The following CPEB3 variants were observed in gnomAD, a reference collection of about 807,000 sequenced individuals.
The protein encoded by CPEB3 is cytoplasmic polyadenylation element binding protein 3.
Under a neutral mutation model 67.2 loss-of-function variants are expected in CPEB3, and 20 were observed. The ratio of observed to expected loss-of-function variants is 0.30; its 90% CI spans 0.21 to 0.43. CPEB3 has a LOEUF of 0.43. Among genes scored for constraint, CPEB3 ranks in the 20% least tolerant of loss-of-function variants. The pLI is 1.00. For missense variants in CPEB3, 746 were observed against 968.6 expected, an observed-to-expected ratio of 0.77 and a Z score of 3.05; for synonymous variants, 376 against 393.1, an observed-to-expected ratio of 0.96 and a Z score of 0.51.
intron 4 of CPEB3, among the ~76,000 whole-genome samples, chr10:92,150,448 T>C (rs935621186): frequency 1.3e-5 from 2 of 152,184 alleles, no homozygotes; most frequent in Admixed American, 6.5e-5. Flanking sequence ...TTCAGGACTC[T>C]GCAATTGTGA....
chr10:92,175,568 T>C (rs891238059), intron 4 of CPEB3, among the ~76,000 whole-genome samples: 1 of 152,182 alleles, frequency 6.6e-6, no homozygotes, highest in African/African-American at 2.4e-5. Context: ...AACAGCAGCG[T>C]GTGACACTTT....
Position 92,240,300 on chromosome 10 carries a change from C to T in CPEB3, c.51G>A (p.Gln17=), listed in dbSNP as rs949021757. Residue 17 remains glutamine (Q), a synonymous_variant, in exon 2 of 10, where the codon CAG becomes CAA. Coordinates refer to ENST00000265997, the MANE Select transcript of CPEB3 (RefSeq NM_014912.5). ...GCTGCTGCTGCTGCCGCTGCTGCTG[C>T]TGGGGCTGGGGCTGGGTTTTGCTTT... ...MDKSKTQPQP[Q]QQQRQQQQPQ... 8 of 1,508,770 alleles carry T rather than the reference C, an allele frequency of 5.3e-6. No homozygotes were observed. The African/African-American group carries it at 9.8e-5, about 19-fold the overall frequency. The allele number at this position is 1,508,770 out of a possible 1,614,324, so 93.5% of individuals were successfully genotyped here.
intron 7 of CPEB3, among the ~76,000 whole-genome samples, chr10:92,096,752 T>G (rs1293826986): frequency 6.6e-6 from 1 of 152,088 alleles, no homozygotes; most frequent in Non-Finnish European, 1.5e-5. Flanking sequence ...GACACCAGCT[T>G]GGCCAACACG....
intron 4 of CPEB3, among the ~76,000 whole-genome samples, chr10:92,172,334 G>C (rs1383763482): frequency 6.6e-6 from 1 of 152,096 alleles, no homozygotes; most frequent in Non-Finnish European, 1.5e-5. Context: ...CATATAACAA[G>C]AGTGTATGTG....
At chr10:92,173,939 G>T (rs1440337333) in intron 4 of CPEB3, among the ~76,000 whole-genome samples, 1 of 152,108 alleles carries the variant, frequency 6.6e-6, no homozygotes. Context: ...AACCTGTTCA[G>T]ACAGAAAGAG....
Position 92,219,568 on chromosome 10 carries a change from A to G in CPEB3, c.1005+19778T>C, listed in dbSNP as rs145652612. ...TATAATTTCCTAAAAGCTGTTTTCTACTTTTCACATATAACGAATCTCAGC... is the reference window on the plus strand; with the variant it reads ...TATAATTTCCTAAAAGCTGTTTTCTGCTTTTCACATATAACGAATCTCAGC... On this transcript the variant is annotated intron_variant, in intron 2 of 9. Transcript: ENST00000265997. Among the ~76,000 whole-genome samples the G allele has an allele frequency of 1.8e-3, 268 of 152,312 alleles. 2 individuals carry two copies. In the East Asian group the frequency reaches 0.023, roughly 13 times the overall value.
At chr10:92,119,097 T>C in intron 6 of CPEB3, 1 of 1,584,664 alleles carries the variant, frequency 6.3e-7, no homozygotes, top group Non-Finnish European at 8.7e-7. Context: ...ATTCCCCAGC[T>C]ATACCAGTCT....
At chr10:92,256,444 C>T (rs541644368) in intron 1 of CPEB3, among the ~76,000 whole-genome samples, 4 of 149,248 alleles carry the variant, frequency 2.7e-5, no homozygotes, top group South Asian at 2.1e-4. Context: ...AGCTAGAGTG[C>T]GGTGGCGCAT....
intron 2 of CPEB3, among the ~76,000 whole-genome samples, chr10:92,225,494 C>T (rs1197773768): frequency 6.6e-6 from 1 of 152,092 alleles, no homozygotes; most frequent in Non-Finnish European, 1.5e-5. Flanking sequence ...CAATGCAAGA[C>T]TCCATCTCAA....
intron 3 of CPEB3, among the ~76,000 whole-genome samples, chr10:92,189,810 C>T (rs969437088): frequency 1.4e-5 from 2 of 140,540 alleles, no homozygotes; most frequent in African/African-American, 5.4e-5. Flanking sequence ...CTGGTTCAAG[C>T]AATCACCACG....
chr10:92,216,212 C>T lies in CPEB3; in HGVS notation c.1005+23134G>A, dbSNP rs566449591. The stretch of plus-strand genomic sequence containing the variant: ...CAGCACTTTGGGAGGCCGAGGAGCA[C>T]GGATCACAAGGTCAAGAGATCAAGA... On this transcript the variant is annotated intron_variant, in intron 2 of 9. Coordinates refer to ENST00000265997, the MANE Select transcript of CPEB3 (RefSeq NM_014912.5). The T allele has an allele frequency of 6.4e-5, 56 of 870,140 alleles. 1 individual carries two copies. In the Admixed American group the frequency reaches 1.4e-3, roughly 22 times the overall value. 53.9% of individuals were successfully genotyped at this position (870,140 alleles called of 1,614,324 possible).
chr10:92,111,779 C>T (rs961605085), intron 6 of CPEB3, among the ~76,000 whole-genome samples: 2 of 152,030 alleles, frequency 1.3e-5, no homozygotes, highest in African/African-American at 4.8e-5. Flanking sequence ...AAACCACTGA[C>T]ATGCACATGT....
chr10:92,115,399 G>T (rs1451788582), intron 6 of CPEB3, among the ~76,000 whole-genome samples: 1 of 152,210 alleles, frequency 6.6e-6, no homozygotes, highest in African/African-American at 2.4e-5. Context: ...TGATCCTTCA[G>T]CCTCAGCCTC....
chr10:92,071,102 C>T (rs1454488530), intron 9 of CPEB3, among the ~76,000 whole-genome samples: 3 of 150,462 alleles, frequency 2.0e-5, no homozygotes, highest in Non-Finnish European at 4.4e-5. Context: ...CACACACACA[C>T]ACACACTTCC....
At chr10:92,066,981 G>A (rs1159039066) in intron 9 of CPEB3, among the ~76,000 whole-genome samples, 2 of 151,600 alleles carry the variant, frequency 1.3e-5, no homozygotes, top group Admixed American at 6.6e-5. Context: ...CCTGGGAGGT[G>A]GAGATTGCAG....
At chr10:92,257,240 A>G (rs1331999451) in intron 1 of CPEB3, among the ~76,000 whole-genome samples, 1 of 152,274 alleles carries the variant, frequency 6.6e-6, no homozygotes, top group Admixed American at 6.5e-5. Flanking sequence ...TTATTTCTAA[A>G]GAAGAAATTG....
chr10:92,287,486 T>C lies in CPEB3; in HGVS notation c.-12+3440A>G, dbSNP rs546385772. On this transcript the variant is annotated intron_variant, in intron 1 of 9. Transcript: ENST00000265997. ...AATATTGAAATTCACACAATATGTG[T>C]CACCCATTTCAAATGTTAGGATTAA... 1.2e-4 allele frequency among the ~76,000 whole-genome samples: 19 copies of C among 152,310 alleles called. No individual in the cohort carries two copies. The South Asian group carries it at 3.9e-3, about 32-fold the overall frequency.
In CPEB3 at chr10:92,224,974, C is replaced by CT. The variant is rs1329526579; in HGVS notation, c.1005+14371dup. Reference sequence around the variant, plus strand: ...AAATGAACCCTACCCCATTTTCTTTCTTTTTTTTTTTTATTTTTTGAGGTG... The same window carrying CT: ...AAATGAACCCTACCCCATTTTCTTTCTTTTTTTTTTTTTATTTTTTGAGGTG... On this transcript the variant is annotated intron_variant, in intron 2 of 9. Coordinates refer to ENST00000265997, the MANE Select transcript of CPEB3 (RefSeq NM_014912.5). 7.2e-3 allele frequency among the ~76,000 whole-genome samples: 1,014 copies of CT among 140,176 alleles called. 9 individuals are homozygous for CT. Among genetic ancestry groups the CT allele is most frequent in the Non-Finnish European group, 9.1e-3 (583 of 64,124 alleles). 92.0% of individuals were successfully genotyped at this position (140,176 alleles called of 152,430 possible).
rs138090400 is a variant in CPEB3 at position 92,240,000 on chromosome 10, G to T, written c.351C>A (p.Asn117Lys). 2 of 1,611,108 alleles carry T rather than the reference G, an allele frequency of 1.2e-6. No homozygotes were observed. The highest frequency in any genetic ancestry group is 1.7e-6 in the Non-Finnish European group (2 of 1,178,754). ...FGSTWSTGTTNAVEDSFFQGI... is the reference protein window; with the variant it reads ...FGSTWSTGTTKAVEDSFFQGI... ...CCTGGAAGAAGCTGTCCTCTACCGC[G>T]TTGGTGGTGCCCGTGGACCAGGTGC... The change falls in exon 2 of 10, where the codon AAC becomes AAA. Residue 117 changes from asparagine to lysine, a missense_variant. This residue lies in a region of CPEB3 where 643 missense variants were observed against 717.5 expected (regional missense o/e 0.90). Coordinates refer to ENST00000265997, the MANE Select transcript of CPEB3 (RefSeq NM_014912.5). The surrounding 1 kb of genome is among the most constrained non-coding windows in gnomAD (Gnocchi z 6.0).
Sources: allele counts gnomAD v4.1 joint callset (sites outside exome capture counted in the v4.1 genomes callset), GRCh38; gene constraint gnomAD v4.1.1; regional missense constraint gnomAD v4.1.1; non-coding constraint Gnocchi (gnomAD v3.1); transcripts MANE v1.5; gene names NCBI Gene and HGNC (gene_info 2026-07-23, HGNC 2026-07-21).